PARP4: variants seen among roughly 807,000 people sequenced by gnomAD.
PARP4 encodes the protein poly(ADP-ribose) polymerase family member 4, also known as protein mono-ADP-ribosyltransferase PARP4.
A neutral mutation model predicts 187.7 loss-of-function variants in PARP4; 120 were observed. The observed-to-expected ratio is 0.64, with a 90% CI of 0.55 to 0.74. PARP4 has a LOEUF of 0.74. Among genes scored for constraint, PARP4 ranks in the 30% least tolerant of loss-of-function variants. The probability of loss-of-function intolerance (pLI) is 0.00; values close to 1 mark genes in which losing one functional copy is unlikely to be tolerated. For missense variants in PARP4, 1,836 were observed against 2,070.5 expected (o/e 0.89, Z 2.20); for synonymous variants, 654 against 740.9 (o/e 0.88, Z 1.90).
chr13:24,428,219 C>T (rs551912839), intron 32 of PARP4, among the ~76,000 whole-genome samples: 7 of 152,308 alleles, frequency 4.6e-5, no homozygotes, highest in African/African-American at 1.7e-4. Context: ...TGTGAAATCC[C>T]ATCCCCTTGC....
intron 25 of PARP4, among the ~76,000 whole-genome samples, chr13:24,447,428 T>G (rs1294583185): frequency 3.9e-5 from 6 of 152,252 alleles, no homozygotes; most frequent in Admixed American, 3.3e-4. Context: ...TGGCACAATC[T>G]TGGCTGACTG....
intron 17 of PARP4, among the ~76,000 whole-genome samples, chr13:24,466,742 T>C (rs1321173560): frequency 2.2e-5 from 3 of 137,796 alleles, no homozygotes; most frequent in African/African-American, 8.3e-5. Context: ...TAGGTTGCAG[T>C]GAGCCAAAAT....
At position 24,429,286 on chromosome 13, in the gene PARP4, C is replaced by T. The variant is rs530667400; in HGVS notation, c.4846+2091G>A. On this transcript the variant is annotated intron_variant, in intron 32 of 33. Transcript: ENST00000381989. ...TTAATAGCAGTTTTAAAGTCTGTGT[C>T]TGCTAATTCTAACATCTGGGTCATC... Among the ~76,000 whole-genome samples, 16 of 152,304 alleles carry T rather than the reference C, an allele frequency of 1.1e-4. No homozygotes were observed. In the South Asian group the frequency reaches 2.5e-3, roughly 24 times the overall value.
intron 32 of PARP4, among the ~76,000 whole-genome samples, chr13:24,428,999 C>A (rs4770672): frequency 0.94 from 142,501 of 152,070 alleles, 66,904 homozygotes; most frequent in East Asian, 0.99. Context: ...CTCCTCTGTT[C>A]TTTTTTCATT....
chr13:24,425,497 C>T (rs1023644971), intron 33 of PARP4, among the ~76,000 whole-genome samples: 8 of 151,622 alleles, frequency 5.3e-5, no homozygotes, highest in African/African-American at 1.9e-4. Flanking sequence ...AGAACATAAG[C>T]CAATTACATG....
intron 1 of PARP4, among the ~76,000 whole-genome samples, chr13:24,506,852 G>GGGC (rs923743126): frequency 3.3e-5 from 5 of 152,208 alleles, no homozygotes; most frequent in African/African-American, 9.6e-5. Flanking sequence ...CGATGGGACC[G>GGGC]GGCGCCGGCC....
chr13:24,423,533 AAAAT>A (rs1555231472), intron 33 of PARP4, among the ~76,000 whole-genome samples: 2 of 150,734 alleles, frequency 1.3e-5, no homozygotes, highest in Non-Finnish European at 3.0e-5. Flanking sequence ...CTGGCCTCAA[AAAAT>A]AAATAAATAA....
At chr13:24,493,489 G>T in intron 8 of PARP4, 107 bp downstream of exon 8, 1 of 1,023,696 alleles carries the variant, frequency 9.8e-7, no homozygotes, top group Non-Finnish European at 1.4e-6. Context: ...ATTTAGGAAT[G>T]AATTCCAGAG....
chr13:24,425,826 G>A (rs1217081537), intron 33 of PARP4, among the ~76,000 whole-genome samples: 1 of 152,018 alleles, frequency 6.6e-6, no homozygotes, highest in Non-Finnish European at 1.5e-5. Context: ...GGTGCTACAA[G>A]GTGGCTGGTG....
At chr13:24,444,826 C>T (rs8001015) in intron 27 of PARP4, among the ~76,000 whole-genome samples, 51,969 of 151,954 alleles carry the variant, frequency 0.34, 8,998 homozygotes, top group Middle Eastern at 0.39. Context: ...GTGAAGGAAA[C>T]AGCAGATGCA....
rs1203169824 is a variant in PARP4, at chr13:24,452,549, G to A, written c.2871C>T (p.Leu957=). The A allele has an allele frequency of 6.2e-7, 1 of 1,614,088 alleles. No homozygotes were observed. Among genetic ancestry groups the A allele is most frequent in the Non-Finnish European group, 8.5e-7 (1 of 1,179,972 alleles). ...TMGNTDFWKT[L]RYLSLLYPAR... is the part of the protein sequence containing the mutation. ...CAGGGTACAATAAGCTAAGATATCG[G>A]AGTGTTTTCCAGAAGTCTGTGTTCC... Residue 957 remains leucine, a synonymous_variant, in exon 24 of 34, where the codon CTC becomes CTT. Transcript: ENST00000381989.
Position 24,455,046 on chromosome 13 carries a change from T to C in PARP4, c.2729A>G (p.Gln910Arg). The C allele has an allele frequency of 6.2e-7, 1 of 1,609,974 alleles. No individual in the cohort carries two copies. The highest frequency in any genetic ancestry group is 8.5e-7 in the Non-Finnish European group (1 of 1,176,710). Residue 910 changes from glutamine (Q) to arginine (R), a missense_variant, in exon 22 of 34, where the codon CAG becomes CGG. This residue lies in a region of PARP4 where 1,147 missense variants were observed against 1,214.2 expected (regional missense o/e 0.94). Coordinates refer to ENST00000381989, the MANE Select transcript of PARP4 (RefSeq NM_006437.4). ...GCCGAACTGGATAATATTTACTTTC[T>C]GCTTCTCACCCACCAAGGACAGCGC... ...LHALSLVGEK[Q>R]KVNIIQFGTG...
chr13:24,451,691 CA>C (rs1250879372), intron 24 of PARP4, among the ~76,000 whole-genome samples: 1 of 152,030 alleles, frequency 6.6e-6, no homozygotes, highest in Non-Finnish European at 1.5e-5. Context: ...GGTAGGAGTC[CA>C]GGGGCCACAG....
At chr13:24,466,295 A>C (rs751322014) in intron 17 of PARP4, among the ~76,000 whole-genome samples, 11 of 151,998 alleles carry the variant, frequency 7.2e-5, no homozygotes. Context: ...GATCCTCCCA[A>C]CTCAGCCCCT....
At chr13:24,499,245 A>G (rs1869134073) in intron 5 of PARP4, 56 bp downstream of exon 5, 1 of 1,489,616 alleles carries the variant, frequency 6.7e-7, no homozygotes, top group Admixed American at 2.6e-5. Flanking sequence ...CACCCAGAAG[A>G]CATTCAAACA....
At chr13:24,476,111 A>T (rs1366133673) in intron 14 of PARP4, among the ~76,000 whole-genome samples, 5 of 147,352 alleles carry the variant, frequency 3.4e-5, no homozygotes, top group African/African-American at 1.0e-4. Context: ...TTTTTTAAAG[A>T]CCCTTCAGCT....
chr13:24,505,351 AGATATC>A (rs978870851), intron 1 of PARP4, among the ~76,000 whole-genome samples: 8 of 152,044 alleles, frequency 5.3e-5, no homozygotes, highest in Non-Finnish European at 1.2e-4. Context: ...TTGCCCTGCA[AGATATC>A]GATAAGATGT....
intron 6 of PARP4, among the ~76,000 whole-genome samples, chr13:24,495,122 C>T (rs776392791): frequency 6.6e-6 from 1 of 152,112 alleles, no homozygotes; most frequent in Admixed American, 6.5e-5. Context: ...CCACCCACCT[C>T]GGCCTCCCAA....
intron 24 of PARP4, among the ~76,000 whole-genome samples, chr13:24,451,104 C>T (rs9578736): frequency 0.049 from 7,476 of 152,244 alleles, 586 homozygotes; most frequent in African/African-American, 0.16. Flanking sequence ...GCCCCAGAGT[C>T]GGGGCCCGAT....
Sources: gnomAD v4.1 joint callset for allele counts (sites outside exome capture counted in the v4.1 genomes callset) on GRCh38, gnomAD v4.1.1 for gene constraint, gnomAD v4.1.1 regional missense constraint, MANE v1.5 for transcripts, NCBI Gene and HGNC (gene_info 2026-07-23, HGNC 2026-07-21) for gene names.